The following ARSB variants were observed in gnomAD, a reference collection of about 807,000 sequenced individuals.
ARSB encodes the protein N-acetylgalactosamine-4-sulfatase.
In ARSB, 41 loss-of-function variants were observed where a neutral mutation model predicts 50.9. The ratio of observed to expected loss-of-function variants is 0.81; its 90% confidence interval spans 0.63 to 1.04. ARSB has a LOEUF of 1.04. Ranked by LOEUF, ARSB falls within the 50% of genes least tolerant of loss-of-function variation. The pLI, the probability that ARSB is intolerant of heterozygous loss-of-function variation, is 0.00. For missense variants in ARSB, 672 were observed against 693.3 expected, an observed-to-expected ratio of 0.97 and a Z score of 0.35; for synonymous variants, 269 against 284.8, an observed-to-expected ratio of 0.94 and a Z score of 0.56.
intron 3 of ARSB, 98 bp downstream of exon 3, chr5:78,964,318 A>T: frequency 8.3e-7 from 1 of 1,198,912 alleles, no homozygotes; most frequent in Non-Finnish European, 1.2e-6. Context: ...AGAATTTATT[A>T]GATTTTTCCC....
chr5:78,799,319 A>G (rs1743288556), intron 6 of ARSB, among the ~76,000 whole-genome samples: 1 of 152,190 alleles, frequency 6.6e-6, no homozygotes, highest in Non-Finnish European at 1.5e-5. Context: ...ACATTCTGAG[A>G]TTGCTGAAGC....
rs771400643 is a variant in ARSB, at chr5:78,839,437, A to G, written c.1143-11T>C. ...GATGGGCTTCCTTCACTGGAAAACAATTTTTAAGGGAATGTTAATTTCCTC... is the reference window on the plus strand; with the variant it reads ...GATGGGCTTCCTTCACTGGAAAACAGTTTTTAAGGGAATGTTAATTTCCTC... On this transcript the variant is annotated splice_polypyrimidine_tract_variant and intron_variant, in intron 5 of 7. Coordinates refer to ENST00000264914, the MANE Select transcript of ARSB (RefSeq NM_000046.5). 9 of 1,610,070 alleles carry G rather than the reference A, an allele frequency of 5.6e-6. No homozygotes were observed. Among genetic ancestry groups the G allele is most frequent in the East Asian group, 4.5e-5 (2 of 44,858 alleles).
intron 3 of ARSB, among the ~76,000 whole-genome samples, chr5:78,958,453 T>C (rs6453420): frequency 0.28 from 42,197 of 152,070 alleles, 7,524 homozygotes; most frequent in African/African-American, 0.51. Flanking sequence ...GATTTGGGGA[T>C]CATTATTAAA....
chr5:78,848,205 C>T (rs1012000995), intron 5 of ARSB, among the ~76,000 whole-genome samples: 15 of 146,822 alleles, frequency 1.0e-4, no homozygotes, highest in African/African-American at 3.3e-4. Context: ...TCTCCTAATG[C>T]TATCCTCCCC....
chr5:78,866,827 A>G (rs2112125650), intron 5 of ARSB, among the ~76,000 whole-genome samples: 1 of 152,328 alleles, frequency 6.6e-6, no homozygotes, highest in African/African-American at 2.4e-5. Context: ...AAGATGGCCG[A>G]ATAGGGACAG....
chr5:78,815,813 C>T, intron 6 of ARSB: 1 of 1,302,046 alleles, frequency 7.7e-7, no homozygotes, highest in Non-Finnish European at 9.8e-7. Flanking sequence ...CTATGAAGGA[C>T]ACAAATGAAT....
intron 4 of ARSB, among the ~76,000 whole-genome samples, chr5:78,931,325 CA>C: frequency 6.6e-6 from 1 of 152,240 alleles, no homozygotes; most frequent in South Asian, 2.1e-4. Flanking sequence ...AACAATGCAT[CA>C]CTTTTGTTTT....
At chr5:78,852,267 C>G (rs539629649) in intron 5 of ARSB, among the ~76,000 whole-genome samples, 17 of 152,290 alleles carry the variant, frequency 1.1e-4, no homozygotes, top group South Asian at 6.2e-4. Context: ...GACAAAATCT[C>G]TCAGCATTTG....
At chr5:78,844,678 T>C (rs993718301) in intron 5 of ARSB, among the ~76,000 whole-genome samples, 1 of 152,190 alleles carries the variant, frequency 6.6e-6, no homozygotes, top group African/African-American at 2.4e-5. Context: ...TTTAGGTCTA[T>C]GATCCATTTT....
At chr5:78,897,950 A>G (rs1392253701) in intron 4 of ARSB, among the ~76,000 whole-genome samples, 7 of 152,142 alleles carry the variant, frequency 4.6e-5, no homozygotes, top group Non-Finnish European at 8.8e-5. Flanking sequence ...ATACCCATTA[A>G]AGACATTGAA....
intron 4 of ARSB, among the ~76,000 whole-genome samples, chr5:78,927,144 G>A (rs777382506): frequency 8.5e-5 from 13 of 152,152 alleles, no homozygotes; most frequent in East Asian, 1.9e-4. Flanking sequence ...GATTGCAGGC[G>A]TGAGCCACCA....
chr5:78,860,656 C>A (rs542180986), intron 5 of ARSB, among the ~76,000 whole-genome samples: 1 of 152,266 alleles, frequency 6.6e-6, no homozygotes, highest in South Asian at 2.1e-4. Flanking sequence ...CAAGAGAAAG[C>A]AGGAAAGATC....
chr5:78,954,574 G>A (rs1404039936), intron 4 of ARSB, among the ~76,000 whole-genome samples: 2 of 151,876 alleles, frequency 1.3e-5, no homozygotes, highest in Non-Finnish European at 2.9e-5. Flanking sequence ...GCACAGTTTC[G>A]GCTCACTGCA....
intron 5 of ARSB, among the ~76,000 whole-genome samples, chr5:78,863,730 C>A (rs1746566475): frequency 6.6e-6 from 1 of 151,982 alleles, no homozygotes; most frequent in African/African-American, 2.4e-5. Context: ...ACATTGTGCA[C>A]ATGTACCCTA....
At chr5:78,822,462 G>C (rs1024211587) in intron 6 of ARSB, among the ~76,000 whole-genome samples, 1 of 152,152 alleles carries the variant, frequency 6.6e-6, no homozygotes, top group Non-Finnish European at 1.5e-5. Context: ...CCTTCAGCCT[G>C]ATCAGTGTTG....
In ARSB at chr5:78,914,037, G is replaced by A. The variant is rs1251512086; in HGVS notation, c.899-28210C>T. On this transcript the variant is annotated intron_variant, in intron 4 of 7. Coordinates refer to ENST00000264914, the MANE Select transcript of ARSB (RefSeq NM_000046.5). ...GAGTGCGGTGGTGCAATCATAGTAC[G>A]TTGTAACCTCAAACTCCTGGGCTCA... Among the ~76,000 whole-genome samples the A allele has an allele frequency of 3.4e-5, 5 of 148,470 alleles. No individual in the cohort carries two copies. In the East Asian group the frequency reaches 7.8e-4, roughly 23 times the overall value.
chr5:78,948,319 T>C (rs1327393806), intron 4 of ARSB, among the ~76,000 whole-genome samples: 3 of 152,172 alleles, frequency 2.0e-5, no homozygotes, highest in Non-Finnish European at 2.9e-5. Context: ...CACAAAGAAA[T>C]GATAAATGCT....
chr5:78,853,904 C>T (rs937625489), intron 5 of ARSB, among the ~76,000 whole-genome samples: 1 of 152,240 alleles, frequency 6.6e-6, no homozygotes, highest in Non-Finnish European at 1.5e-5. Flanking sequence ...TTTTTTAAGC[C>T]CATTGGAAAA....
chr5:78,962,093 T>C (rs1752011304), intron 3 of ARSB, among the ~76,000 whole-genome samples: 1 of 151,974 alleles, frequency 6.6e-6, no homozygotes, highest in African/African-American at 2.4e-5. Flanking sequence ...AGGTCTGGAG[T>C]CAGAGAGCAT....
Sources: allele counts gnomAD v4.1 joint callset (sites outside exome capture counted in the v4.1 genomes callset), GRCh38; gene constraint gnomAD v4.1.1; transcripts MANE v1.5; gene names NCBI Gene and HGNC (gene_info 2026-07-23, HGNC 2026-07-21).